CYP4X1: variants seen among roughly 807,000 people sequenced by gnomAD.
CYP4X1 encodes cytochrome P450 family 4 subfamily X member 1, also known as cytochrome P450 4X1.
CYP4X1 carries 44 observed loss-of-function variants against 57.9 expected under a neutral mutation model. That is an observed-to-expected ratio of 0.76 (90% CI 0.60 to 0.98). CYP4X1 has a LOEUF of 0.98. Among genes scored for constraint, CYP4X1 ranks in the 50% least tolerant of loss-of-function variants. The pLI, the probability that CYP4X1 is intolerant of heterozygous loss-of-function variation, is 0.00. For synonymous variants in CYP4X1, 227 were observed against 228.6 expected (o/e 0.99, Z 0.06); for missense variants, 532 against 623.9 (o/e 0.85, Z 1.57).
Position 47,025,222 on chromosome 1 carries a change from C to T in CYP4X1, c.177+1228C>T, listed in dbSNP as rs1317372335. On this transcript the variant is annotated intron_variant, in intron 1 of 11. Coordinates refer to ENST00000371901, the MANE Select transcript of CYP4X1 (RefSeq NM_178033.2). Reference sequence around the variant, plus strand: ...GATTGTTGAAAAGAGCCTGCCACCTCCTCCCCTCTCTCTTCCTGTCTCTCA... The same window carrying T: ...GATTGTTGAAAAGAGCCTGCCACCTTCTCCCCTCTCTCTTCCTGTCTCTCA... Among the ~76,000 whole-genome samples, 8 of 152,076 alleles carry T rather than the reference C, an allele frequency of 5.3e-5. No individual in the cohort carries two copies. The East Asian group carries it at 7.7e-4, about 15-fold the overall frequency.
chr1:47,034,833 C>T (rs1438662458), intron 4 of CYP4X1, among the ~76,000 whole-genome samples: 1 of 151,988 alleles, frequency 6.6e-6, no homozygotes, highest in African/African-American at 2.4e-5. Context: ...TTCTCAGCCA[C>T]ATATTTCTCC....
the CYP4X1 span, among the ~76,000 whole-genome samples, chr1:46,992,865 T>C: frequency 6.6e-6 from 1 of 152,226 alleles, no homozygotes; most frequent in Non-Finnish European, 1.5e-5. Flanking sequence ...CACCAGCAAT[T>C]TGTAAGAGTT....
At chr1:47,051,790 G>A (rs1644361436), downstream of CYP4X1, among the ~76,000 whole-genome samples, 1 of 152,052 alleles carries the variant, frequency 6.6e-6, no homozygotes, top group African/African-American at 2.4e-5. Context: ...TATCCACCCA[G>A]TTAAACAATA....
At chr1:47,027,157 C>A (rs1426280518) in intron 1 of CYP4X1, among the ~76,000 whole-genome samples, 3 of 151,688 alleles carry the variant, frequency 2.0e-5, no homozygotes, top group South Asian at 4.1e-4. Context: ...TCCACATTCC[C>A]TCTTGACTGT....
the CYP4X1 span, among the ~76,000 whole-genome samples, chr1:47,006,793 C>A: frequency 6.0e-3 from 914 of 152,346 alleles, 12 homozygotes; most frequent in East Asian, 0.047. Flanking sequence ...TATCCTGCGA[C>A]TGGCTTGGAG....
chr1:47,041,123 G>A (rs991290974), intron 8 of CYP4X1, among the ~76,000 whole-genome samples: 1 of 152,058 alleles, frequency 6.6e-6, no homozygotes, highest in African/African-American at 2.4e-5. Context: ...CAAGATATTT[G>A]TCTTTTCTAT....
the CYP4X1 span, among the ~76,000 whole-genome samples, chr1:47,007,002 C>A: frequency 6.6e-6 from 1 of 152,230 alleles, no homozygotes; most frequent in African/African-American, 2.4e-5. Flanking sequence ...ACCACTGGGG[C>A]AGGGCATAGC....
the CYP4X1 span, among the ~76,000 whole-genome samples, chr1:46,968,739 T>C: frequency 6.6e-6 from 1 of 151,292 alleles, no homozygotes; most frequent in Non-Finnish European, 1.5e-5. Flanking sequence ...GCAATGTTTG[T>C]CTGAAGCACA....
chr1:46,986,082 G>A, the CYP4X1 span, among the ~76,000 whole-genome samples: 6 of 152,170 alleles, frequency 3.9e-5, no homozygotes, highest in Non-Finnish European at 8.8e-5. Context: ...CCGAGCTAAA[G>A]GAGCTTGTTC....
chr1:46,985,958 C>G, the CYP4X1 span, among the ~76,000 whole-genome samples: 1 of 152,178 alleles, frequency 6.6e-6, no homozygotes, highest in Non-Finnish European at 1.5e-5. Flanking sequence ...CAGAATGCCT[C>G]TTCCCCTCCA....
Position 47,049,509 on chromosome 1 carries a change from G to C in CYP4X1, c.1355+5G>C. ...ACCATTCTCAGCTGGATCAAGGTGA[G>C]AACAATTTGAAGTTGCTGAAAGTAC... On this transcript the variant is annotated splice_donor_5th_base_variant and intron_variant, in intron 11 of 11. Coordinates refer to ENST00000371901, the MANE Select transcript of CYP4X1 (RefSeq NM_178033.2). 3 of 1,613,410 alleles carry C rather than the reference G, an allele frequency of 1.9e-6. No homozygotes were observed. The highest frequency in any genetic ancestry group is 2.5e-6 in the Non-Finnish European group (3 of 1,179,464).
intron 8 of CYP4X1, 40 bp downstream of exon 8, chr1:47,039,572 CCT>C: frequency 1.3e-6 from 2 of 1,530,726 alleles, no homozygotes; most frequent in Non-Finnish European, 1.8e-6. Context: ...TAGTTTTCCC[CCT>C]GAGATTTTGC....
chr1:46,964,814 T>A, the CYP4X1 span, among the ~76,000 whole-genome samples: 1 of 152,202 alleles, frequency 6.6e-6, no homozygotes, highest in Non-Finnish European at 1.5e-5. Context: ...TGCCTTTTGT[T>A]TGGCTATGCC....
the CYP4X1 span, among the ~76,000 whole-genome samples, chr1:47,011,527 G>A: frequency 6.6e-6 from 1 of 152,224 alleles, no homozygotes; most frequent in Non-Finnish European, 1.5e-5. Flanking sequence ...AACACCAAAA[G>A]CAATGGCAAC....
chr1:46,994,745 C>T, the CYP4X1 span, among the ~76,000 whole-genome samples: 84 of 152,318 alleles, frequency 5.5e-4, no homozygotes, highest in Non-Finnish European at 1.1e-3. Flanking sequence ...CACCCACATT[C>T]CCCTGTCCAT....
chr1:46,987,057 G>A, the CYP4X1 span, among the ~76,000 whole-genome samples: 14 of 152,154 alleles, frequency 9.2e-5, no homozygotes, highest in African/African-American at 1.4e-4. Context: ...TGGGCTAAAT[G>A]CCCAATCAAA....
downstream of CYP4X1, among the ~76,000 whole-genome samples, chr1:47,053,509 G>A (rs1644372179): frequency 6.6e-6 from 1 of 152,132 alleles, no homozygotes; most frequent in Non-Finnish European, 1.5e-5. Flanking sequence ...TTCCACAATG[G>A]TTGAACTAGT....
the CYP4X1 span, among the ~76,000 whole-genome samples, chr1:46,994,212 G>A: frequency 1.3e-5 from 2 of 152,040 alleles, no homozygotes; most frequent in African/African-American, 4.8e-5. Context: ...TCTTGTTTTT[G>A]TCAGGTTTGT....
chr1:47,000,193 C>T, the CYP4X1 span, among the ~76,000 whole-genome samples: 1 of 152,120 alleles, frequency 6.6e-6, no homozygotes, highest in Admixed American at 6.5e-5. Context: ...TGGCAATTCC[C>T]TTTCATGCTC....
Sources: gnomAD v4.1 joint callset for allele counts (sites outside exome capture counted in the v4.1 genomes callset) on GRCh38, gnomAD v4.1.1 for gene constraint, MANE v1.5 for transcripts, NCBI Gene and HGNC (gene_info 2026-07-23, HGNC 2026-07-21) for gene names.